ZNRF3: variants seen among roughly 807,000 people sequenced by gnomAD.
ZNRF3 encodes E3 ubiquitin-protein ligase ZNRF3.
In ZNRF3, 23 loss-of-function variants were observed where a neutral mutation model predicts 72.5. The observed-to-expected ratio is 0.32, with a 90% CI of 0.23 to 0.45. The LOEUF (loss-of-function observed/expected upper bound fraction) is 0.45, where lower values mean the gene tolerates loss of function less well. ZNRF3 is among the 20% of genes least tolerant of loss of function. The pLI is 1.00. For missense variants in ZNRF3, 1,169 were observed against 1,272.1 expected (o/e 0.92, Z 1.23); for synonymous variants, 610 against 545.3 (o/e 1.12, Z -1.65).
chr22:28,987,531 C>T (rs1235745702), intron 2 of ZNRF3, among the ~76,000 whole-genome samples: 1 of 152,302 alleles, frequency 6.6e-6, no homozygotes, highest in Non-Finnish European at 1.5e-5. Context: ...CTTTATCTTA[C>T]ACCCTTGGGC....
intron 2 of ZNRF3, among the ~76,000 whole-genome samples, chr22:29,035,849 G>A (rs952661478): frequency 1.3e-5 from 2 of 152,110 alleles, no homozygotes; most frequent in Admixed American, 1.3e-4. Flanking sequence ...CAAAGTGCTC[G>A]GATTACAGGT....
chr22:28,961,742 A>G (rs1034974034), intron 1 of ZNRF3, among the ~76,000 whole-genome samples: 2 of 152,328 alleles, frequency 1.3e-5, no homozygotes, highest in Admixed American at 1.3e-4. Context: ...GCTTTACCCA[A>G]GACACACAGT....
At chr22:28,894,062 T>A (rs1320656137) in intron 1 of ZNRF3, among the ~76,000 whole-genome samples, 1 of 152,018 alleles carries the variant, frequency 6.6e-6, no homozygotes, top group Non-Finnish European at 1.5e-5. Context: ...TCACAAGTGA[T>A]CCTTCCGCCT....
chr22:28,884,273 G>T (rs1228606896), intron 1 of ZNRF3, among the ~76,000 whole-genome samples: 1 of 152,038 alleles, frequency 6.6e-6, no homozygotes, highest in Non-Finnish European at 1.5e-5. Context: ...GCACGTGGGG[G>T]CTAGAGCTCC....
In ZNRF3 at chr22:29,050,514, C is replaced by G. The variant is rs780759747; in HGVS notation, c.2333C>G (p.Pro778Arg). The G allele has an allele frequency of 1.9e-6, 3 of 1,612,410 alleles. No homozygotes were observed. In the Admixed American group the frequency reaches 5.0e-5, roughly 27 times the overall value. Residue 778 changes from proline to arginine, a missense_variant, in exon 8 of 9, where the codon CCC becomes CGC. Pro to Arg is a moderately radical substitution (Grantham distance 103, BLOSUM62 -2). Coordinates refer to ENST00000544604, the MANE Select transcript of ZNRF3 (RefSeq NM_001206998.2). The stretch of plus-strand genomic sequence containing the variant: ...GATGGGGTGAAATACGAGGGTCTGC[C>G]CTGCTGCTTCTATGAAGAGAAGCAG... The part of the protein sequence containing the change: ...RTDGVKYEGL[P>R]CCFYEEKQVA...
chr22:29,043,223 C>T, intron 3 of ZNRF3, 76 bp from the exon 4 acceptor site: 8 of 1,514,922 alleles, frequency 5.3e-6, no homozygotes, highest in Non-Finnish European at 7.1e-6. Flanking sequence ...GTGTTCCTTC[C>T]CTCCAGCCTT....
chr22:29,041,137 C>CATGT (rs932502975), intron 2 of ZNRF3, among the ~76,000 whole-genome samples: 11 of 152,178 alleles, frequency 7.2e-5, no homozygotes, highest in East Asian at 3.9e-4. Flanking sequence ...CCAGGACATG[C>CATGT]ATGTATGTAT....
intron 1 of ZNRF3, among the ~76,000 whole-genome samples, chr22:28,986,108 A>G (rs2035850410): frequency 6.6e-6 from 1 of 152,198 alleles, no homozygotes; most frequent in Non-Finnish European, 1.5e-5. Context: ...TAATCTGTCC[A>G]TCTCAAACTC....
At chr22:28,889,951 T>C (rs2123742888) in intron 1 of ZNRF3, among the ~76,000 whole-genome samples, 1 of 152,292 alleles carries the variant, frequency 6.6e-6, no homozygotes, top group East Asian at 1.9e-4. Context: ...ATCGACCCCC[T>C]GGGTTCCCAC....
At chr22:29,008,716 G>T (rs2036299894) in intron 2 of ZNRF3, among the ~76,000 whole-genome samples, 1 of 152,224 alleles carries the variant, frequency 6.6e-6, no homozygotes. Flanking sequence ...GAAGATTGTT[G>T]GTTTTTCACT....
chr22:28,915,469 C>CAGAA, intron 1 of ZNRF3, among the ~76,000 whole-genome samples: 1 of 152,266 alleles, frequency 6.6e-6, no homozygotes, highest in East Asian at 1.9e-4. Context: ...TTTTGAGAGA[C>CAGAA]AGAACTCTGC....
chr22:28,897,184 T>C (rs2034013326), intron 1 of ZNRF3, among the ~76,000 whole-genome samples: 1 of 152,222 alleles, frequency 6.6e-6, no homozygotes, highest in Non-Finnish European at 1.5e-5. Context: ...GTCCTGTTGC[T>C]TACTACTGAG....
At chr22:28,971,896 CAG>C (rs763532081) in intron 1 of ZNRF3, among the ~76,000 whole-genome samples, 9 of 151,956 alleles carry the variant, frequency 5.9e-5, no homozygotes, top group Non-Finnish European at 1.3e-4. Context: ...TTTGTAGAGA[CAG>C]GGTTTCGCCA....
chr22:28,955,388 T>G (rs907977230), intron 1 of ZNRF3, among the ~76,000 whole-genome samples: 2 of 151,756 alleles, frequency 1.3e-5, no homozygotes, highest in Non-Finnish European at 2.9e-5. Flanking sequence ...TTATCAAGAG[T>G]TTGTGCTAGT....
chr22:28,935,694 C>A (rs1027415502), intron 1 of ZNRF3, among the ~76,000 whole-genome samples: 3 of 152,214 alleles, frequency 2.0e-5, no homozygotes, highest in Non-Finnish European at 4.4e-5. Flanking sequence ...TTCAGTTCCA[C>A]CCTTTATTGG....
intron 1 of ZNRF3, among the ~76,000 whole-genome samples, chr22:28,953,776 A>G (rs2035208081): frequency 6.6e-6 from 1 of 152,158 alleles, no homozygotes; most frequent in South Asian, 2.1e-4. Context: ...TAGATCAGAA[A>G]TTGTTGGATA....
At chr22:28,947,316 A>G (rs1569256729) in intron 1 of ZNRF3, among the ~76,000 whole-genome samples, 1 of 152,308 alleles carries the variant, frequency 6.6e-6, no homozygotes, top group Non-Finnish European at 1.5e-5. Context: ...CAATGCTGCT[A>G]TGAATGTTCA....
intron 1 of ZNRF3, among the ~76,000 whole-genome samples, chr22:28,908,062 T>TGGA (rs2034245545): frequency 6.6e-6 from 1 of 152,266 alleles, no homozygotes; most frequent in African/African-American, 2.4e-5. Flanking sequence ...GAGGGACCAC[T>TGGA]GGAGTAGGTC....
chr22:28,898,926 GTT>G (rs34713478), intron 1 of ZNRF3, among the ~76,000 whole-genome samples: 5,023 of 114,020 alleles, frequency 0.044, 126 homozygotes, highest in East Asian at 0.12. Flanking sequence ...ACATGCTGAG[GTT>G]TTTTTTTTTT....
Sources: gnomAD v4.1 joint callset for allele counts (sites outside exome capture counted in the v4.1 genomes callset) on GRCh38, gnomAD v4.1.1 for gene constraint, MANE v1.5 for transcripts, NCBI Gene and HGNC (gene_info 2026-07-23, HGNC 2026-07-21) for gene names.